The following COA1 variants were observed in gnomAD, a reference collection of about 807,000 sequenced individuals.
COA1 encodes cytochrome c oxidase assembly factor 1.
In COA1, 13 loss-of-function variants were observed where a neutral mutation model predicts 16.0. The observed-to-expected ratio is 0.81, with a 90% CI of 0.53 to 1.29. COA1 has a LOEUF of 1.29. COA1 is among the 50% of genes most tolerant of loss of function. The probability of loss-of-function intolerance (pLI) is 0.00; values close to 1 mark genes in which losing one functional copy is unlikely to be tolerated. For synonymous variants in COA1, 65 were observed against 65.7 expected, an observed-to-expected ratio of 0.99 and a Z score of 0.05; for missense variants, 179 against 177.0, an observed-to-expected ratio of 1.01 and a Z score of -0.06.
rs1038691012 is a variant in COA1, at chr7:43,678,394, G to A, written c.-38-29742C>T. ...TAACACTCTTAGAAGAAAACATATG[G>A]GGAAAGTTCTGTCACATTTGATTTG... On this transcript the variant is annotated intron_variant, in intron 1 of 5. Transcript: ENST00000223336. Among the ~76,000 whole-genome samples, 11 of 152,176 alleles carry A rather than the reference G, an allele frequency of 7.2e-5. No individual in the cohort carries two copies. The East Asian group carries it at 2.1e-3, about 29-fold the overall frequency.
chr7:43,675,531 C>T (rs1012590120), intron 1 of COA1, among the ~76,000 whole-genome samples: 1 of 151,984 alleles, frequency 6.6e-6, no homozygotes, highest in African/African-American at 2.4e-5. Flanking sequence ...AGCACACCAA[C>T]ATGGCACATG....
intron 1 of COA1, among the ~76,000 whole-genome samples, chr7:43,655,368 T>C (rs542649848): frequency 8.5e-5 from 13 of 152,128 alleles, no homozygotes; most frequent in African/African-American, 1.4e-4. Flanking sequence ...ATTCCAGATA[T>C]TGCCGGGCAT....
chr7:43,723,041 TG>T (rs1292935906), intron 1 of COA1, among the ~76,000 whole-genome samples: 1 of 152,196 alleles, frequency 6.6e-6, no homozygotes, highest in Non-Finnish European at 1.5e-5. Flanking sequence ...TAAAATGATA[TG>T]GGTTGTAAAG....
At chr7:43,608,467 T>C in exon 7 of COA1, 6 of 1,526,394 alleles carry the variant, frequency 3.9e-6, no homozygotes, top group Non-Finnish European at 4.4e-6. Context: ...TATTTAACAG[T>C]GATTTATTCA....
At chr7:43,671,007 C>T (rs987261275) in intron 1 of COA1, among the ~76,000 whole-genome samples, 1 of 151,986 alleles carries the variant, frequency 6.6e-6, no homozygotes, top group Non-Finnish European at 1.5e-5. Flanking sequence ...ACAGGAGTAC[C>T]AAGACAATAA....
At chr7:43,661,706 T>C (rs2092452403) in intron 1 of COA1, among the ~76,000 whole-genome samples, 1 of 151,928 alleles carries the variant, frequency 6.6e-6, no homozygotes, top group African/African-American at 2.4e-5. Context: ...AGGGTTTCTA[T>C]CTAACTTCAA....
chr7:43,706,965 G>C (rs536790240), intron 1 of COA1, among the ~76,000 whole-genome samples: 1 of 152,268 alleles, frequency 6.6e-6, no homozygotes, highest in South Asian at 2.1e-4. Flanking sequence ...GAGATCAGGA[G>C]TTCAAGACCA....
chr7:43,724,750 C>T (rs1232100935), intron 1 of COA1, among the ~76,000 whole-genome samples: 1 of 152,114 alleles, frequency 6.6e-6, no homozygotes, highest in Non-Finnish European at 1.5e-5. Flanking sequence ...CAACACATGC[C>T]ACAACATGAA....
At chr7:43,693,374 G>A (rs554412340) in intron 1 of COA1, among the ~76,000 whole-genome samples, 85 of 152,216 alleles carry the variant, frequency 5.6e-4, no homozygotes, top group African/African-American at 1.7e-3. Context: ...CTTGTCAAAT[G>A]CATACTGATT....
intron 4 of COA1, among the ~76,000 whole-genome samples, chr7:43,644,665 T>C (rs2153080649): frequency 6.6e-6 from 1 of 151,208 alleles, no homozygotes; most frequent in East Asian, 1.9e-4. Flanking sequence ...TAGCTGGGAT[T>C]ATAGGTGTGC....
At chr7:43,617,349 C>T (rs1043872722) in intron 6 of COA1, among the ~76,000 whole-genome samples, 5 of 152,292 alleles carry the variant, frequency 3.3e-5, no homozygotes, top group African/African-American at 1.2e-4. Context: ...CCTAGCAAAC[C>T]TTTGAAGAGG....
At position 43,647,675 on chromosome 7, in the gene COA1, T is replaced by G. The variant is rs1199630424; in HGVS notation, c.16-41A>C. 5 of 1,523,448 alleles carry G rather than the reference T, an allele frequency of 3.3e-6. No individual in the cohort carries two copies. The South Asian group carries it at 5.7e-5, about 17-fold the overall frequency. The allele number at this position is 1,523,448 out of a possible 1,614,324, so 94.4% of individuals were successfully genotyped here. On this transcript the variant is annotated intron_variant, in intron 2 of 5. Transcript: ENST00000223336. ...TACAAATTTATTGTAGGATTCCCAG[T>G]TTTGTGCCAAGGGGATTTGCCCGGC...
chr7:43,691,241 C>A (rs976128891), intron 1 of COA1, among the ~76,000 whole-genome samples: 7 of 112,654 alleles, frequency 6.2e-5, no homozygotes, highest in Non-Finnish European at 5.3e-5. Context: ...AAAGCAAGAC[C>A]TTGACTCAAA....
chr7:43,691,269 G>GA (rs144312327), intron 1 of COA1, among the ~76,000 whole-genome samples: 5,091 of 29,396 alleles, frequency 0.17, 361 homozygotes, highest in African/African-American at 0.25. Flanking sequence ...AGAAAGAAAA[G>GA]AAAGAAAGAA....
intron 1 of COA1, among the ~76,000 whole-genome samples, chr7:43,652,692 C>G (rs1363052944): frequency 1.3e-5 from 2 of 151,426 alleles, no homozygotes; most frequent in African/African-American, 4.8e-5. Flanking sequence ...CAATATATCC[C>G]CAAGTTATAA....
chr7:43,653,253 G>A (rs924532215), intron 1 of COA1, among the ~76,000 whole-genome samples: 3 of 151,922 alleles, frequency 2.0e-5, no homozygotes, highest in Non-Finnish European at 2.9e-5. Context: ...TGGAGCTTGC[G>A]GTGAGCCGAG....
chr7:43,650,053 T>C (rs2090437010), intron 1 of COA1: 1 of 152,410 alleles, frequency 6.6e-6, no homozygotes, highest in Non-Finnish European at 1.5e-5. Flanking sequence ...TGCTGAAGTG[T>C]AAAGCGCAGG....
At chr7:43,661,946 T>C (rs998859544) in intron 1 of COA1, among the ~76,000 whole-genome samples, 4 of 152,266 alleles carry the variant, frequency 2.6e-5, no homozygotes, top group African/African-American at 9.6e-5. Context: ...TTTAATGATC[T>C]GCATAAGTTA....
chr7:43,719,221 G>C (rs960233833), intron 1 of COA1, among the ~76,000 whole-genome samples: 4 of 152,106 alleles, frequency 2.6e-5, no homozygotes, highest in African/African-American at 4.8e-5. Context: ...GCCCAGCTCA[G>C]CCACCCAAAG....
Sources: gnomAD v4.1 joint callset for allele counts (sites outside exome capture counted in the v4.1 genomes callset) on GRCh38, gnomAD v4.1.1 for gene constraint, MANE v1.5 for transcripts, NCBI Gene and HGNC (gene_info 2026-07-23, HGNC 2026-07-21) for gene names.